The following GPC5 variants were observed in gnomAD, a reference collection of about 807,000 sequenced individuals.
The protein encoded by GPC5 is glypican 5.
A neutral mutation model predicts 53.9 loss-of-function variants in GPC5; 47 were observed. The observed-to-expected ratio is 0.87, with a 90% CI of 0.69 to 1.11. GPC5 has a LOEUF of 1.11. GPC5 is among the 50% of genes most tolerant of loss of function. The pLI is 0.00. For missense variants in GPC5, 748 were observed against 713.1 expected, an observed-to-expected ratio of 1.05 and a Z score of -0.56; for synonymous variants, 286 against 263.3, an observed-to-expected ratio of 1.09 and a Z score of -0.84.
chr13:91,810,938 CA>C (rs35192534), intron 5 of GPC5, among the ~76,000 whole-genome samples: 24,804 of 105,666 alleles, frequency 0.23, 2,058 homozygotes, highest in African/African-American at 0.27. Context: ...TTTGTGTAAC[CA>C]AAAAAAAAAA....
chr13:91,643,245 T>TA (rs74310244), intron 2 of GPC5, among the ~76,000 whole-genome samples: 70 of 151,978 alleles, frequency 4.6e-4, no homozygotes, highest in African/African-American at 1.6e-3. Context: ...TAGATTGGTA[T>TA]AAAAAAAACT....
chr13:92,736,904 T>G (rs1888951268), intron 7 of GPC5, among the ~76,000 whole-genome samples: 1 of 151,952 alleles, frequency 6.6e-6, no homozygotes, highest in Admixed American at 6.6e-5. Flanking sequence ...ATAATAAAAT[T>G]CACAAAATGC....
At chr13:91,619,544 C>T (rs889265074) in intron 2 of GPC5, among the ~76,000 whole-genome samples, 5 of 152,082 alleles carry the variant, frequency 3.3e-5, no homozygotes, top group Non-Finnish European at 7.4e-5. Context: ...GGTTCCACAG[C>T]TCTTACTCAA....
At chr13:92,105,257 A>G (rs1032608469) in intron 6 of GPC5, among the ~76,000 whole-genome samples, 9 of 152,162 alleles carry the variant, frequency 5.9e-5, no homozygotes, top group African/African-American at 2.2e-4. Flanking sequence ...CTCTGAATCT[A>G]CAATCTATTT....
At chr13:92,843,796 G>A (rs972821665) in intron 7 of GPC5, among the ~76,000 whole-genome samples, 26 of 152,042 alleles carry the variant, frequency 1.7e-4, no homozygotes, top group Non-Finnish European at 1.9e-4. Flanking sequence ...AATAACAAGC[G>A]AGAAAATTAC....
chr13:92,440,999 A>G (rs1003301936), intron 7 of GPC5, among the ~76,000 whole-genome samples: 1 of 152,068 alleles, frequency 6.6e-6, no homozygotes. Context: ...GTAATTCTGT[A>G]GGTTGTCTTT....
intron 7 of GPC5, among the ~76,000 whole-genome samples, chr13:92,560,930 A>T (rs1467994928): frequency 1.3e-5 from 2 of 150,902 alleles, no homozygotes; most frequent in Non-Finnish European, 3.0e-5. Flanking sequence ...CCTAACAGCC[A>T]AGTCATTAAG....
intron 6 of GPC5, among the ~76,000 whole-genome samples, chr13:92,076,792 G>T (rs1393712244): frequency 3.9e-5 from 6 of 152,132 alleles, no homozygotes; most frequent in Non-Finnish European, 8.8e-5. Flanking sequence ...TTTGTTGGGG[G>T]ATATATGCAT....
rs376103696 is a variant in GPC5, at chr13:92,279,422, G to A, written c.1561+134433G>A. Among the ~76,000 whole-genome samples, 10 of 152,064 alleles carry A rather than the reference G, an allele frequency of 6.6e-5. No individual in the cohort carries two copies. In the East Asian group the frequency reaches 1.9e-3, roughly 29 times the overall value. Reference sequence around the variant, plus strand: ...AATATTGTTTAATATAGAAAATCATGTCATCTGCAATAGAGATAGTTTTTA... The same window carrying A: ...AATATTGTTTAATATAGAAAATCATATCATCTGCAATAGAGATAGTTTTTA... On this transcript the variant is annotated intron_variant, in intron 7 of 7. Coordinates refer to ENST00000377067, the MANE Select transcript of GPC5 (RefSeq NM_004466.6).
At chr13:92,389,451 A>G (rs1194733903) in intron 7 of GPC5, among the ~76,000 whole-genome samples, 2 of 152,100 alleles carry the variant, frequency 1.3e-5, no homozygotes, top group Non-Finnish European at 2.9e-5. Flanking sequence ...TTCTCTTCAA[A>G]AATGCATCAT....
chr13:91,466,126 C>T (rs1264842307), intron 2 of GPC5, among the ~76,000 whole-genome samples: 2 of 152,100 alleles, frequency 1.3e-5, no homozygotes, highest in African/African-American at 4.8e-5. Flanking sequence ...AGCAGATGTC[C>T]CTGAGAACTC....
At chr13:92,176,911 C>T (rs2042112822) in intron 7 of GPC5, among the ~76,000 whole-genome samples, 1 of 152,196 alleles carries the variant, frequency 6.6e-6, no homozygotes, top group Admixed American at 6.5e-5. Flanking sequence ...CAGTCATTAA[C>T]TACCAATGAT....
At chr13:91,825,395 T>C (rs75184622) in intron 5 of GPC5, among the ~76,000 whole-genome samples, 1 of 152,286 alleles carries the variant, frequency 6.6e-6, no homozygotes, top group East Asian at 1.9e-4. Flanking sequence ...ATGTGTAGTG[T>C]ATAGCATTGC....
At chr13:92,576,454 A>G (rs1883192304) in intron 7 of GPC5, among the ~76,000 whole-genome samples, 1 of 152,230 alleles carries the variant, frequency 6.6e-6, no homozygotes, top group Non-Finnish European at 1.5e-5. Context: ...TTCCCTGTAC[A>G]TGCATCAAGT....
intron 7 of GPC5, among the ~76,000 whole-genome samples, chr13:92,218,821 G>A (rs921904827): frequency 6.6e-6 from 1 of 152,148 alleles, no homozygotes; most frequent in African/African-American, 2.4e-5. Flanking sequence ...AAGAGTTGGA[G>A]GGCTTAATTA....
At chr13:92,192,453 C>T (rs1229787880) in intron 7 of GPC5, among the ~76,000 whole-genome samples, 2 of 152,244 alleles carry the variant, frequency 1.3e-5, no homozygotes, top group East Asian at 1.9e-4. Context: ...AATTATCCAA[C>T]ATTTTATGGA....
intron 5 of GPC5, among the ~76,000 whole-genome samples, chr13:91,804,531 C>A (rs1398523958): frequency 6.6e-6 from 1 of 152,186 alleles, no homozygotes; most frequent in Non-Finnish European, 1.5e-5. Flanking sequence ...TTAACTGATG[C>A]ACGCTTTCTG....
chr13:92,482,546 T>G (rs1879397792), intron 7 of GPC5, among the ~76,000 whole-genome samples: 1 of 152,222 alleles, frequency 6.6e-6, no homozygotes, highest in Non-Finnish European at 1.5e-5. Flanking sequence ...AACACCATTC[T>G]TCTTTCCAGC....
At chr13:92,637,682 C>T (rs545433660) in intron 7 of GPC5, among the ~76,000 whole-genome samples, 10 of 151,982 alleles carry the variant, frequency 6.6e-5, no homozygotes, top group South Asian at 2.1e-4. Context: ...CTTAACTATT[C>T]GGCACAAAAT....
Sources: gnomAD v4.1 joint callset for allele counts (sites outside exome capture counted in the v4.1 genomes callset) on GRCh38, gnomAD v4.1.1 for gene constraint, MANE v1.5 for transcripts, NCBI Gene and HGNC (gene_info 2026-07-23, HGNC 2026-07-21) for gene names.